Variants in ADAMTS6 observed in about 807,000 individuals in gnomAD.
ADAMTS6 encodes ADAM metallopeptidase with thrombospondin type 1 motif 6.
In ADAMTS6, 23 loss-of-function variants were observed where a neutral mutation model predicts 144.3. The ratio of observed to expected loss-of-function variants is 0.16; its 90% CI spans 0.11 to 0.23. ADAMTS6 has a LOEUF of 0.23. Ranked by LOEUF, ADAMTS6 falls within the 10% of genes least tolerant of loss-of-function variation. ADAMTS6 has a pLI of 1.00. For synonymous variants in ADAMTS6, 444 were observed against 457.5 expected (o/e 0.97, Z 0.38); for missense variants, 999 against 1,379.6 (o/e 0.72, Z 4.37).
intron 7 of ADAMTS6, among the ~76,000 whole-genome samples, chr5:65,384,569 T>A (rs965369855): frequency 1.3e-5 from 2 of 152,216 alleles, no homozygotes; most frequent in African/African-American, 4.8e-5. Context: ...GATGACCTAC[T>A]TTATCCGTAT....
chr5:65,321,553 A>AT (rs1176962038), intron 9 of ADAMTS6, among the ~76,000 whole-genome samples: 21 of 152,014 alleles, frequency 1.4e-4, no homozygotes, highest in Admixed American at 1.4e-3. Flanking sequence ...ATTAAATCCC[A>AT]TTAGTCAATT....
chr5:65,304,112 A>G (rs1163789708), intron 9 of ADAMTS6, among the ~76,000 whole-genome samples: 3 of 152,190 alleles, frequency 2.0e-5, no homozygotes, highest in Non-Finnish European at 4.4e-5. Flanking sequence ...TAGTTATCTC[A>G]AGGATTTAGA....
chr5:65,454,433 T>C (rs773174870), intron 4 of ADAMTS6, among the ~76,000 whole-genome samples: 2 of 152,182 alleles, frequency 1.3e-5, no homozygotes, highest in Non-Finnish European at 2.9e-5. Context: ...TAAACACCAC[T>C]TCTTATTTCG....
At chr5:65,326,193 T>G (rs1746156202) in intron 9 of ADAMTS6, among the ~76,000 whole-genome samples, 1 of 152,136 alleles carries the variant, frequency 6.6e-6, no homozygotes, top group Non-Finnish European at 1.5e-5. Flanking sequence ...GATGTCTGGC[T>G]GAATTCTTGC....
intron 7 of ADAMTS6, among the ~76,000 whole-genome samples, chr5:65,403,032 C>G (rs1317407972): frequency 6.6e-6 from 1 of 151,928 alleles, no homozygotes; most frequent in African/African-American, 2.4e-5. Flanking sequence ...AATAACTTTT[C>G]AAAGTCATCA....
intron 7 of ADAMTS6, among the ~76,000 whole-genome samples, chr5:65,379,371 C>T (rs1009983182): frequency 6.6e-6 from 1 of 152,064 alleles, no homozygotes; most frequent in Non-Finnish European, 1.5e-5. Context: ...TTTGTAAGAC[C>T]AAATAACTTC....
At position 65,398,825 on chromosome 5, in the gene ADAMTS6, A is replaced by G. The variant is rs552557464; in HGVS notation, c.1073+52650T>C. Among the ~76,000 whole-genome samples the G allele has an allele frequency of 3.0e-3, 453 of 148,848 alleles. 9 individuals carry two copies. The highest frequency in any genetic ancestry group is 0.011 in the African/African-American group (436 of 39,162). ...GAAAGAAAGAAAGAAAGAAAGAAAG[A>G]AAGAAAGAAAGAAAGAAAGAAAGAA... On this transcript the variant is annotated intron_variant, in intron 7 of 24. Transcript: ENST00000381055.
chr5:65,254,126 C>T lies in ADAMTS6; in HGVS notation c.1830+6474G>A, dbSNP rs749611282. Reference sequence around the variant, plus strand: ...TCCCAAAGTGCTGGGATTACAGGAGCGAGCCACCACGCCCGGCCACATTAC... The same window carrying T: ...TCCCAAAGTGCTGGGATTACAGGAGTGAGCCACCACGCCCGGCCACATTAC... On this transcript the variant is annotated intron_variant, in intron 14 of 24. Coordinates refer to ENST00000381055, the MANE Select transcript of ADAMTS6 (RefSeq NM_197941.4). Among the ~76,000 whole-genome samples, 16 of 151,996 alleles carry T rather than the reference C, an allele frequency of 1.1e-4. 1 individual carries two copies. The South Asian group carries it at 2.9e-3, about 28-fold the overall frequency.
chr5:65,302,180 A>T (rs1743477658), intron 9 of ADAMTS6, among the ~76,000 whole-genome samples: 1 of 144,398 alleles, frequency 6.9e-6, no homozygotes, highest in Admixed American at 7.1e-5. Context: ...GATATTATAC[A>T]TATATTATAT....
intron 9 of ADAMTS6, among the ~76,000 whole-genome samples, chr5:65,320,709 C>G (rs1029271251): frequency 6.6e-6 from 1 of 152,072 alleles, no homozygotes; most frequent in African/African-American, 2.4e-5. Context: ...CCACTCTCTA[C>G]CCTCCAAAAG....
chr5:65,289,159 T>C (rs1249695483), intron 11 of ADAMTS6, among the ~76,000 whole-genome samples: 1 of 152,104 alleles, frequency 6.6e-6, no homozygotes, highest in African/African-American at 2.4e-5. Flanking sequence ...TGTAGGTCTG[T>C]AAGATACTAA....
intron 7 of ADAMTS6, among the ~76,000 whole-genome samples, chr5:65,442,000 A>G (rs1410275034): frequency 6.6e-6 from 1 of 151,900 alleles, no homozygotes. Context: ...TCTCAAATTA[A>G]TGACACAACT....
intron 7 of ADAMTS6, among the ~76,000 whole-genome samples, chr5:65,390,685 A>G (rs1423503719): frequency 6.6e-6 from 1 of 152,248 alleles, no homozygotes; most frequent in East Asian, 1.9e-4. Context: ...TTAGGATATT[A>G]TCAATAAACT....
intron 24 of ADAMTS6, among the ~76,000 whole-genome samples, chr5:65,167,495 T>C (rs1252179484): frequency 6.6e-6 from 1 of 151,352 alleles, no homozygotes; most frequent in Non-Finnish European, 1.5e-5. Context: ...ACTATTCCAA[T>C]CAATAGAAAA....
In ADAMTS6 at chr5:65,407,900, C is replaced by A. The variant is rs191724692; in HGVS notation, c.1073+43575G>T. On this transcript the variant is annotated intron_variant, in intron 7 of 24. Coordinates refer to ENST00000381055, the MANE Select transcript of ADAMTS6 (RefSeq NM_197941.4). ...GAATTTCATATCCAGCCAAACTAAG[C>A]TTCATAAGTGAAGGAGAAATAAAAT... 3.4e-3 allele frequency among the ~76,000 whole-genome samples: 516 copies of A among 152,204 alleles called. 1 individual carries two copies. The highest frequency in any genetic ancestry group is 0.012 in the African/African-American group (501 of 41,520).
At chr5:65,372,975 A>G (rs892492287) in intron 7 of ADAMTS6, among the ~76,000 whole-genome samples, 2 of 152,232 alleles carry the variant, frequency 1.3e-5, no homozygotes, top group African/African-American at 4.8e-5. Flanking sequence ...ACTCAACTAC[A>G]TGGAAACTGA....
intron 11 of ADAMTS6, among the ~76,000 whole-genome samples, chr5:65,279,840 G>C (rs547994521): frequency 1.3e-5 from 2 of 151,876 alleles, no homozygotes; most frequent in South Asian, 4.2e-4. Context: ...TTTTCTCTTG[G>C]ATCATTAATC....
At position 65,151,738 on chromosome 5, in the gene ADAMTS6, A is replaced by G; in HGVS notation, c.*98T>C. ...GGTTACGTTTTCCACAGGGTAATGC[A>G]TTTGCAAGGACATCAATCCTCTTCC... On this transcript the variant is annotated 3_prime_UTR_variant, in exon 25 of 25. Coordinates refer to ENST00000381055, the MANE Select transcript of ADAMTS6 (RefSeq NM_197941.4). The G allele has an allele frequency of 9.3e-7, 1 of 1,072,402 alleles. No homozygotes were observed. The highest frequency in any genetic ancestry group is 1.4e-6 in the Non-Finnish European group (1 of 711,680). The allele number at this position is 1,072,402 out of a possible 1,614,324, so 66.4% of individuals were successfully genotyped here. A position where few individuals can be genotyped will look rare whatever the true frequency, so the allele number is the denominator to read the frequency against.
intron 7 of ADAMTS6, among the ~76,000 whole-genome samples, chr5:65,438,087 C>T (rs140796023): frequency 0.019 from 2,896 of 152,304 alleles, 43 homozygotes; most frequent in Non-Finnish European, 0.027. Context: ...GGTTTTGTCA[C>T]CTCCAAAGGT....
Sources: allele counts gnomAD v4.1 joint callset (sites outside exome capture counted in the v4.1 genomes callset), GRCh38; gene constraint gnomAD v4.1.1; transcripts MANE v1.5; gene names NCBI Gene and HGNC (gene_info 2026-07-23, HGNC 2026-07-21).